The following STK3 variants were observed in gnomAD, a reference collection of about 807,000 sequenced individuals.
The protein encoded by STK3 is serine/threonine kinase 3.
STK3 carries 41 observed loss-of-function variants against 58.0 expected under a neutral mutation model. That is an observed-to-expected ratio of 0.71 (90% CI 0.55 to 0.92). The LOEUF is 0.92. STK3 is among the 40% of genes least tolerant of loss of function. The probability of loss-of-function intolerance (pLI) is 0.00; values close to 1 mark genes in which losing one functional copy is unlikely to be tolerated. For synonymous variants in STK3, 170 were observed against 191.0 expected, an observed-to-expected ratio of 0.89 and a Z score of 0.91; for missense variants, 479 against 602.7, an observed-to-expected ratio of 0.79 and a Z score of 2.15.
At chr8:98,608,039 G>GGT (rs1375609498) in intron 6 of STK3, among the ~76,000 whole-genome samples, 3 of 152,028 alleles carry the variant, frequency 2.0e-5, no homozygotes, top group Admixed American at 6.6e-5. Flanking sequence ...TCACTACTAT[G>GGT]GTTTCAGATT....
At position 98,913,626 on chromosome 8, in the gene STK3, A is replaced by C. The variant is rs1471984972; in HGVS notation, c.-79+28752T>G. The stretch of plus-strand genomic sequence containing the variant: ...AGATGCCAGGTAAGAAGATTTTCAC[A>C]TAGGTATTTCAGTGTACAAACCTGT... On this transcript the variant is annotated intron_variant, in intron 1 of 1. Transcript: ENST00000519420. Among the ~76,000 whole-genome samples the C allele has an allele frequency of 2.6e-5, 4 of 152,270 alleles. No homozygotes were observed. In the South Asian group the frequency reaches 6.2e-4, roughly 24 times the overall value.
At chr8:98,464,540 T>TAAAAAAAAAAAA in intron 10 of STK3, among the ~76,000 whole-genome samples, 111 of 69,086 alleles carry the variant, frequency 1.6e-3, no homozygotes, top group East Asian at 4.3e-3. Flanking sequence ...TACTTAAAGT[T>TAAAAAAAAAAAA]AAAAAAAAAA....
intron 2 of STK3, among the ~76,000 whole-genome samples, chr8:98,434,714 A>C (rs1407640838): frequency 1.3e-5 from 2 of 152,196 alleles, no homozygotes; most frequent in Non-Finnish European, 2.9e-5. Flanking sequence ...AAGAGATACA[A>C]GAGAAGGGGA....
intron 6 of STK3, among the ~76,000 whole-genome samples, chr8:98,696,957 G>C (rs890648306): frequency 6.6e-6 from 1 of 152,102 alleles, no homozygotes; most frequent in African/African-American, 2.4e-5. Context: ...TGTACCTCTG[G>C]TAGAATTCGG....
At chr8:98,767,716 C>G (rs1036854918) in intron 2 of STK3, among the ~76,000 whole-genome samples, 1 of 152,016 alleles carries the variant, frequency 6.6e-6, no homozygotes, top group African/African-American at 2.4e-5. Context: ...ATAGCCAAAG[C>G]CTCAAATTAG....
chr8:98,372,323 G>A (rs1417477878), intron 2 of STK3, among the ~76,000 whole-genome samples: 3 of 152,090 alleles, frequency 2.0e-5, no homozygotes, highest in Non-Finnish European at 4.4e-5. Context: ...TAATGCAGAG[G>A]GCTCTTCAGG....
chr8:98,427,868 A>C, intron 3 of STK3: 15 of 814,618 alleles, frequency 1.8e-5, no homozygotes, highest in Non-Finnish European at 2.5e-5. Flanking sequence ...GCCCGCCAGT[A>C]ATGGGTAGGG....
upstream of STK3, among the ~76,000 whole-genome samples, chr8:98,829,643 A>T (rs1835453198): frequency 6.6e-6 from 1 of 152,236 alleles, no homozygotes; most frequent in South Asian, 2.1e-4. Flanking sequence ...CCCTAGGATA[A>T]ACAGAATGTC....
chr8:98,763,845 A>G (rs952733506), intron 3 of STK3, among the ~76,000 whole-genome samples: 4 of 151,862 alleles, frequency 2.6e-5, no homozygotes, highest in Non-Finnish European at 5.9e-5. Context: ...GCTAATTTTT[A>G]TATCTATTTA....
chr8:98,750,028 C>T (rs574536492), intron 3 of STK3, among the ~76,000 whole-genome samples: 1 of 152,118 alleles, frequency 6.6e-6, no homozygotes, highest in Admixed American at 6.5e-5. Flanking sequence ...GGATAAACTA[C>T]ATATAGTGAT....
chr8:98,374,079 C>T (rs1775446595), intron 2 of STK3, among the ~76,000 whole-genome samples: 2 of 152,140 alleles, frequency 1.3e-5, no homozygotes, highest in Admixed American at 6.5e-5. Flanking sequence ...GCATTCTTGT[C>T]GAGGCTTGAT....
chr8:98,419,178 T>C (rs143022707), intron 3 of STK3, among the ~76,000 whole-genome samples: 1,911 of 152,236 alleles, frequency 0.013, 37 homozygotes, highest in African/African-American at 0.043. Context: ...CTGGCCAACA[T>C]GGTGAAACCC....
At chr8:98,938,500 C>G (rs1335839797) in intron 1 of STK3, among the ~76,000 whole-genome samples, 2 of 152,228 alleles carry the variant, frequency 1.3e-5, no homozygotes, top group African/African-American at 4.8e-5. Flanking sequence ...GGTGACAAAT[C>G]AGGACGCCAA....
chr8:98,712,827 A>G (rs935777933), intron 4 of STK3, among the ~76,000 whole-genome samples: 6 of 152,208 alleles, frequency 3.9e-5, no homozygotes, highest in Non-Finnish European at 8.8e-5. Flanking sequence ...TCAACAGAAT[A>G]TACATTCTTT....
intron 1 of STK3, among the ~76,000 whole-genome samples, chr8:98,813,899 A>AT (rs1205346026): frequency 6.6e-6 from 1 of 152,200 alleles, no homozygotes; most frequent in Non-Finnish European, 1.5e-5. Context: ...TCCCTAACAT[A>AT]TTCATGTTCT....
chr8:98,775,454 C>T (rs570119734), intron 1 of STK3, among the ~76,000 whole-genome samples: 13 of 152,262 alleles, frequency 8.5e-5, no homozygotes, highest in African/African-American at 2.6e-4. Context: ...ACACGCCAGA[C>T]GCACCAATGA....
At chr8:98,750,974 T>C (rs1829938291) in intron 3 of STK3, among the ~76,000 whole-genome samples, 1 of 152,142 alleles carries the variant, frequency 6.6e-6, no homozygotes, top group South Asian at 2.1e-4. Flanking sequence ...ATGTGATTCA[T>C]CATATAAACA....
chr8:98,875,629 C>G (rs1837538285), intron 3 of STK3: 2 of 152,192 alleles, frequency 1.3e-5, no homozygotes, highest in Non-Finnish European at 2.9e-5. Context: ...GAACACAATG[C>G]CTAGGCTTCT....
rs1014715624 is a variant in STK3 at position 98,469,255 on chromosome 8, G to C, written c.1318-13255C>G. Among the ~76,000 whole-genome samples, 78 of 138,206 alleles carry C rather than the reference G, an allele frequency of 5.6e-4. 2 individuals carry two copies. Among genetic ancestry groups the C allele is most frequent in the African/African-American group, 2.0e-3 (75 of 37,966 alleles). 90.7% of individuals were successfully genotyped at this position (138,206 alleles called of 152,430 possible). A position where few individuals can be genotyped will look rare whatever the true frequency, so the allele number is the denominator to read the frequency against. ...GGTCCAAAAAGGCTTTTCTTTGCGG[G>C]GGCGGGGGGGCGGTCTGAGAATGGC... On this transcript the variant is annotated intron_variant, in intron 10 of 10. Coordinates refer to ENST00000419617, the MANE Select transcript of STK3 (RefSeq NM_006281.4).
Sources: allele counts gnomAD v4.1 joint callset (sites outside exome capture counted in the v4.1 genomes callset), GRCh38; gene constraint gnomAD v4.1.1; transcripts MANE v1.5; gene names NCBI Gene and HGNC (gene_info 2026-07-23, HGNC 2026-07-21).